The following SHANK2 variants were observed in gnomAD, a reference collection of about 807,000 sequenced individuals.
SHANK2 encodes SH3 and multiple ankyrin repeat domains protein 2.
A neutral mutation model predicts 133.7 loss-of-function variants in SHANK2; 43 were observed. That is an observed-to-expected ratio of 0.32 (90% confidence interval 0.25 to 0.41). The LOEUF (loss-of-function observed/expected upper bound fraction) is 0.41, where lower values mean the gene tolerates loss of function less well. SHANK2 is among the 10% of genes least tolerant of loss of function. The pLI, the probability that SHANK2 is intolerant of heterozygous loss-of-function variation, is 1.00. For missense variants in SHANK2, 1,994 were observed against 2,235.8 expected (o/e 0.89, Z 2.18); for synonymous variants, 1,017 against 952.8 (o/e 1.07, Z -1.24).
intron 14 of SHANK2, among the ~76,000 whole-genome samples, chr11:70,747,000 TACCCCTGTACTCCCCTCCCTCC>T (rs1946653962): frequency 3.9e-5 from 2 of 51,642 alleles, no homozygotes; most frequent in Non-Finnish European, 7.5e-5. Context: ...TGCACCCCCC[TACCCCTGTACTCCCCTCCCTCC>T]ACCCCTGCAC....
chr11:71,079,912 G>C, intron 8 of SHANK2, among the ~76,000 whole-genome samples: 1 of 81,330 alleles, frequency 1.2e-5, no homozygotes, highest in Non-Finnish European at 2.4e-5. Context: ...GAGGGGAGGG[G>C]AAGGAAGGGG....
intron 6 of SHANK2, among the ~76,000 whole-genome samples, chr11:71,105,987 AT>A (rs1347680572): frequency 2.6e-5 from 4 of 152,224 alleles, no homozygotes; most frequent in African/African-American, 9.6e-5. Context: ...GTGAACCTTC[AT>A]GTAAGCTTGG....
In SHANK2 at chr11:70,487,642, G is replaced by A. The variant is rs2058830670; in HGVS notation, c.2651C>T (p.Ser884Phe). The change falls in exon 25 of 26, where the codon TCT becomes TTT. Residue 884 changes from serine to phenylalanine, a missense_variant. Physicochemically the swap from Ser to Phe is radical, Grantham distance 155. Transcript: ENST00000601538. The surrounding 1 kb of genome is among the most constrained non-coding windows in gnomAD (Gnocchi z 5.8). ...FTRSLSMPDT[S>F]EDIPPPPQSV... ...CTGCGGTGGAGGGGGGATGTCCTCA[G>A]AGGTGTCCGGCATGGACAGGCTTCT... is the stretch of plus-strand genomic sequence containing the variant. The A allele has an allele frequency of 1.2e-6, 2 of 1,601,230 alleles. No individual in the cohort carries two copies. Among genetic ancestry groups the A allele is most frequent in the Non-Finnish European group, 1.7e-6 (2 of 1,173,862 alleles).
At chr11:71,207,929 A>G (rs1043392754) in intron 2 of SHANK2, among the ~76,000 whole-genome samples, 1 of 152,084 alleles carries the variant, frequency 6.6e-6, no homozygotes, top group Non-Finnish European at 1.5e-5. Flanking sequence ...CCTGCTTCCC[A>G]GGCAGGCTTA....
intron 11 of SHANK2, among the ~76,000 whole-genome samples, chr11:70,873,651 G>A (rs1949507898): frequency 6.6e-6 from 1 of 152,140 alleles, no homozygotes; most frequent in Non-Finnish European, 1.5e-5. Context: ...GCCAGAGCCC[G>A]CAGCAACCAC....
chr11:70,820,863 T>C (rs1948504356), intron 11 of SHANK2, among the ~76,000 whole-genome samples, 181 bp from the exon 12 acceptor site: 1 of 152,028 alleles, frequency 6.6e-6, no homozygotes, highest in Non-Finnish European at 1.5e-5. Flanking sequence ...AACTCACCCC[T>C]GACATGGAAG....
intron 4 of SHANK2, 32 bp from the exon 5 acceptor site, chr11:71,113,396 C>T (rs1158122702): frequency 3.3e-6 from 5 of 1,537,778 alleles, no homozygotes; most frequent in African/African-American, 2.8e-5. Context: ...AGAGAGAAAA[C>T]AAGTCAATAC....
intron 17 of SHANK2, among the ~76,000 whole-genome samples, chr11:70,551,669 C>T (rs562169285): frequency 3.3e-5 from 5 of 152,354 alleles, no homozygotes; most frequent in African/African-American, 4.8e-5. Context: ...GCGCTAGTTA[C>T]GTCTTTGTAC....
chr11:70,487,049 T>C lies in SHANK2; in HGVS notation c.3244A>G (p.Ile1082Val). The change falls in exon 25 of 26, where the codon ATC becomes GTC. Residue 1082 changes from isoleucine to valine, a missense_variant. This residue lies in a region of SHANK2 where 488 missense variants were observed against 642.6 expected (regional missense o/e 0.76). Transcript: ENST00000601538. This position sits in a 1 kb window ranked among gnomAD's most constrained non-coding sequence, Gnocchi z 5.8. Reference protein sequence around the residue: ...LTVSSPFAAAIAGAVRDREKR... With the variant: ...LTVSSPFAAAVAGAVRDREKR... ...TCACGGTCGCGGACGGCTCCGGCGA[T>C]GGCGGCGGCAAAGGGGCTGCTGACG... is the stretch of plus-strand genomic sequence containing the variant. 5 of 1,608,906 alleles carry C rather than the reference T, an allele frequency of 3.1e-6. No homozygotes were observed. Among genetic ancestry groups the C allele is most frequent in the Non-Finnish European group, 4.2e-6 (5 of 1,179,642 alleles).
chr11:70,940,780 A>G (rs782272498), intron 10 of SHANK2, among the ~76,000 whole-genome samples: 4 of 152,240 alleles, frequency 2.6e-5, no homozygotes, highest in Non-Finnish European at 4.4e-5. Flanking sequence ...AAAGATTTAC[A>G]GCCTATGTGG....
intron 8 of SHANK2, among the ~76,000 whole-genome samples, chr11:71,085,817 ATAT>A (rs1590894892): frequency 0.047 from 20 of 428 alleles, 3 homozygotes; most frequent in South Asian, 0.5. Context: ...ATATTATGTT[ATAT>A]TATATAATAA....
At chr11:70,786,442 G>A (rs998335550) in intron 14 of SHANK2, among the ~76,000 whole-genome samples, 2 of 152,162 alleles carry the variant, frequency 1.3e-5, no homozygotes, top group African/African-American at 4.8e-5. Flanking sequence ...CTATCAGGAA[G>A]CCCATTCCAT....
intron 11 of SHANK2, among the ~76,000 whole-genome samples, chr11:70,836,462 G>A (rs533464142): frequency 7.2e-5 from 11 of 152,330 alleles, no homozygotes; most frequent in African/African-American, 1.7e-4. Context: ...TGCCAGGTAT[G>A]GAGGGAAAGG....
At chr11:70,948,995 G>A (rs962211187) in intron 10 of SHANK2, among the ~76,000 whole-genome samples, 3 of 151,970 alleles carry the variant, frequency 2.0e-5, no homozygotes, top group African/African-American at 7.2e-5. Context: ...TCAACCAAAC[G>A]AGAGCTGGGC....
intron 9 of SHANK2, among the ~76,000 whole-genome samples, chr11:71,073,627 C>G (rs1357465131): frequency 6.6e-6 from 1 of 152,022 alleles, no homozygotes; most frequent in Non-Finnish European, 1.5e-5. Flanking sequence ...GCCACCATAC[C>G]CGGCTGATTT....
At position 70,473,918 on chromosome 11, in the gene SHANK2, T is replaced by G; in HGVS notation, c.4980-479A>C. The G allele has an allele frequency of 4.1e-6, 1 of 245,124 alleles. No homozygotes were observed. The highest frequency in any genetic ancestry group is 8.3e-6 in the Non-Finnish European group (1 of 120,786). The allele number at this position is 245,124 out of a possible 1,614,324, so 15.2% of individuals were successfully genotyped here. A position where few individuals can be genotyped will look rare whatever the true frequency, so the allele number is the denominator to read the frequency against. On this transcript the variant is annotated intron_variant, in intron 25 of 25. Transcript: ENST00000601538. This position sits in a 1 kb window ranked among gnomAD's most constrained non-coding sequence, Gnocchi z 5.9. Reference sequence around the variant, plus strand: ...CAGGCAACATCTCCAGCGCCTCAGCTTCAGCAGGTGGGAAGGAGCACACCT... The same window carrying G: ...CAGGCAACATCTCCAGCGCCTCAGCGTCAGCAGGTGGGAAGGAGCACACCT...
chr11:71,070,926 G>A (rs1951134445), intron 9 of SHANK2, among the ~76,000 whole-genome samples: 1 of 152,232 alleles, frequency 6.6e-6, no homozygotes, highest in African/African-American at 2.4e-5. Flanking sequence ...GCCGGCAGCT[G>A]AGGCATAGGA....
intron 8 of SHANK2, among the ~76,000 whole-genome samples, chr11:71,086,521 A>G (rs1004363048): frequency 7.1e-6 from 1 of 140,984 alleles, no homozygotes; most frequent in Non-Finnish European, 1.5e-5. Flanking sequence ...TATATAATAT[A>G]TAATATAAAT....
At chr11:71,233,920 G>A (rs902702677) in intron 1 of SHANK2, among the ~76,000 whole-genome samples, 4 of 151,964 alleles carry the variant, frequency 2.6e-5, no homozygotes, top group South Asian at 4.2e-4. Flanking sequence ...GGTGGTGCAC[G>A]TCTGTAATCC....
Sources: gnomAD v4.1 joint callset for allele counts (sites outside exome capture counted in the v4.1 genomes callset) on GRCh38, gnomAD v4.1.1 for gene constraint, gnomAD v4.1.1 regional missense constraint, Gnocchi (gnomAD v3.1) non-coding constraint, MANE v1.5 for transcripts, NCBI Gene and HGNC (gene_info 2026-07-23, HGNC 2026-07-21) for gene names.